SH3KBP1: variants seen among roughly 807,000 people sequenced by gnomAD.
SH3KBP1 encodes SH3 domain-containing kinase-binding protein 1.
Under a neutral mutation model 50.1 loss-of-function variants are expected in SH3KBP1, and 8 were observed. The ratio of observed to expected loss-of-function variants is 0.16; its 90% CI spans 0.09 to 0.29. The LOEUF is 0.29. SH3KBP1 is among the 10% of genes least tolerant of loss of function. The pLI, the probability that SH3KBP1 is intolerant of heterozygous loss-of-function variation, is 1.00. For synonymous variants in SH3KBP1, 227 were observed against 218.6 expected (o/e 1.04, Z -0.34); for missense variants, 377 against 535.2 (o/e 0.70, Z 2.92).
chrX:19,773,761 C>T (rs148266152), intron 2 of SH3KBP1, among the ~76,000 whole-genome samples: 2,268 of 98,900 alleles, frequency 0.023, 81 homozygotes, highest in African/African-American at 0.083. Context: ...GAGGCTGAGG[C>T]AGGAGAATGG....
chrX:19,848,094 C>A (rs921725037), intron 1 of SH3KBP1, among the ~76,000 whole-genome samples: 1 of 111,921 alleles, frequency 8.9e-6, no homozygotes, highest in African/African-American at 3.2e-5. Context: ...CCAAAAGACT[C>A]CTAAGAATAA....
intron 8 of SH3KBP1, among the ~76,000 whole-genome samples, chrX:19,609,595 C>A (rs1357095791): frequency 1.8e-5 from 2 of 111,778 alleles, no homozygotes; most frequent in African/African-American, 3.3e-5. Context: ...CATGGAGAAC[C>A]CATGGTCTCC....
chrX:19,698,605 C>A (rs2063475535), intron 4 of SH3KBP1, among the ~76,000 whole-genome samples: 1 of 111,943 alleles, frequency 8.9e-6, no homozygotes, highest in Admixed American at 9.4e-5. Context: ...GGGCACGATG[C>A]TCATTTTTCT....
At chrX:19,714,581 C>T (rs1367374801) in intron 3 of SH3KBP1, among the ~76,000 whole-genome samples, 3 of 111,686 alleles carry the variant, frequency 2.7e-5, no homozygotes, top group Non-Finnish European at 5.7e-5. Flanking sequence ...GAACGAGATC[C>T]TGTCTTTGGC....
intron 13 of SH3KBP1, among the ~76,000 whole-genome samples, chrX:19,566,398 A>T (rs1348301115): frequency 9.4e-6 from 1 of 106,709 alleles, no homozygotes; most frequent in East Asian, 2.9e-4. Flanking sequence ...AGACATCTCC[A>T]GACCCAAAGA....
chrX:19,777,120 G>A (rs1379242468), intron 2 of SH3KBP1, among the ~76,000 whole-genome samples: 1 of 111,251 alleles, frequency 9.0e-6, no homozygotes, highest in Non-Finnish European at 1.9e-5. Context: ...GGATAAAAAA[G>A]GTATGCCCTT....
chrX:19,621,223 C>T (rs1284712900), intron 8 of SH3KBP1, among the ~76,000 whole-genome samples: 10 of 101,346 alleles, frequency 9.9e-5, no homozygotes, highest in Non-Finnish European at 1.4e-4. Context: ...TACAGGTGCC[C>T]GCCACCACAC....
chrX:19,786,311 G>C (rs1428641612), intron 2 of SH3KBP1, among the ~76,000 whole-genome samples: 3 of 111,304 alleles, frequency 2.7e-5, no homozygotes, highest in African/African-American at 9.8e-5. Flanking sequence ...ATGAGGAGGA[G>C]AGAGAACAAA....
At chrX:19,792,363 T>C (rs944413067) in intron 2 of SH3KBP1, among the ~76,000 whole-genome samples, 2 of 111,604 alleles carry the variant, frequency 1.8e-5, no homozygotes, top group Non-Finnish European at 3.8e-5. Context: ...ACCATGGTTA[T>C]CTCGGCAGTA....
At chrX:19,691,344 C>CTA (rs1427218884) in intron 5 of SH3KBP1, among the ~76,000 whole-genome samples, 1 of 96,068 alleles carries the variant, frequency 1.0e-5, no homozygotes, top group African/African-American at 4.0e-5. Flanking sequence ...CTCTCTCTCT[C>CTA]TCTCTCTCTC....
intron 10 of SH3KBP1, among the ~76,000 whole-genome samples, chrX:19,593,396 C>T (rs2066805910): frequency 9.0e-6 from 1 of 111,670 alleles, no homozygotes; most frequent in Non-Finnish European, 1.9e-5. Flanking sequence ...CACCACATCT[C>T]ATTTCTGTCA....
chrX:19,603,568 CTT>C lies in SH3KBP1; in HGVS notation c.1005+4368_1005+4369del, dbSNP rs755367409. On this transcript the variant is annotated intron_variant, in intron 9 of 17. Coordinates refer to ENST00000397821, the MANE Select transcript of SH3KBP1 (RefSeq NM_031892.3). ...TCATTAGGGAAACGCCTATGGGAAT[CTT>C]AGCAATGCCATCATTCTTGACTTGC... Among the ~76,000 whole-genome samples the C allele has an allele frequency of 4.4e-5, 5 of 112,798 alleles. No individual in the cohort carries two copies. In the South Asian group the frequency reaches 1.8e-3, roughly 41 times the overall value.
chrX:19,875,690 A>G (rs12012307), intron 1 of SH3KBP1, among the ~76,000 whole-genome samples: 33,529 of 111,797 alleles, frequency 0.3, 6,267 homozygotes, highest in African/African-American at 0.7. Flanking sequence ...TGGAGGTGGG[A>G]GGAGACAGAA....
intron 1 of SH3KBP1, among the ~76,000 whole-genome samples, chrX:19,854,396 G>A (rs1461006108): frequency 9.0e-6 from 1 of 111,543 alleles, no homozygotes; most frequent in Non-Finnish European, 1.9e-5. Context: ...GATTACTGGT[G>A]TGAGCCACCA....
chrX:19,668,338 C>A (rs1033049212), intron 6 of SH3KBP1, among the ~76,000 whole-genome samples: 2 of 108,260 alleles, frequency 1.8e-5, no homozygotes, highest in Non-Finnish European at 3.8e-5. Context: ...GAAATCCCAT[C>A]CCTACTAAAA....
chrX:19,578,262 C>A (rs952955679), intron 12 of SH3KBP1, among the ~76,000 whole-genome samples: 1 of 111,838 alleles, frequency 8.9e-6, no homozygotes, highest in African/African-American at 3.3e-5. Flanking sequence ...ACCTGAGAAC[C>A]TATCTTCTTT....
At position 19,873,273 on chromosome X, in the gene SH3KBP1, C is replaced by CAT. The variant is rs767661962; in HGVS notation, c.4+14032_4+14033dup. ...GACTATGAAGTGGAAAAAACAAGGA[C>CAT]ATATATATATATATATGTATATATA... On this transcript the variant is annotated intron_variant, in intron 1 of 17. Coordinates refer to ENST00000397821, the MANE Select transcript of SH3KBP1 (RefSeq NM_031892.3). 2.6e-3 allele frequency among the ~76,000 whole-genome samples: 202 copies of CAT among 78,583 alleles called. 1 individual carries two copies. Among genetic ancestry groups the CAT allele is most frequent in the Admixed American group, 0.011 (84 of 7,353 alleles). 68.2% of individuals were successfully genotyped at this position (78,583 alleles called of 115,157 possible). A position where few individuals can be genotyped will look rare whatever the true frequency, so the allele number is the denominator to read the frequency against.
chrX:19,549,031 T>C (rs1273156507), intron 14 of SH3KBP1, among the ~76,000 whole-genome samples: 1 of 111,803 alleles, frequency 8.9e-6, no homozygotes, highest in Non-Finnish European at 1.9e-5. Flanking sequence ...TTGTTTATAA[T>C]GAGGAACTGG....
At chrX:19,574,405 T>A (rs932005280) in intron 12 of SH3KBP1, among the ~76,000 whole-genome samples, 2 of 112,687 alleles carry the variant, frequency 1.8e-5, no homozygotes, top group Non-Finnish European at 3.7e-5. Context: ...CTTGTACACG[T>A]TAGGAAATAA....
Sources: gnomAD v4.1 joint callset for allele counts (sites outside exome capture counted in the v4.1 genomes callset) on GRCh38, gnomAD v4.1.1 for gene constraint, MANE v1.5 for transcripts, NCBI Gene and HGNC (gene_info 2026-07-23, HGNC 2026-07-21) for gene names.